NRXN1: variants seen among roughly 807,000 people sequenced by gnomAD.
NRXN1 encodes neurexin 1.
NRXN1 carries 39 observed loss-of-function variants against 150.9 expected under a neutral mutation model. The ratio of observed to expected loss-of-function variants is 0.26; its 90% confidence interval spans 0.20 to 0.34. The LOEUF (loss-of-function observed/expected upper bound fraction) is 0.34. Ranked by LOEUF, NRXN1 falls within the 10% of genes least tolerant of loss-of-function variation. The pLI is 1.00. For missense variants in NRXN1, 1,815 were observed against 1,949.9 expected (o/e 0.93, Z 1.30); for synonymous variants, 924 against 757.0 (o/e 1.22, Z -3.62).
chr2:50,502,895 T>C (rs2092022167), intron 13 of NRXN1, among the ~76,000 whole-genome samples: 2 of 152,106 alleles, frequency 1.3e-5, no homozygotes, highest in African/African-American at 2.4e-5. Context: ...AGCACTGAGG[T>C]CACCTACCAC....
chr2:50,297,777 AGAG>A (rs2073757503), intron 17 of NRXN1, among the ~76,000 whole-genome samples: 1 of 152,184 alleles, frequency 6.6e-6, no homozygotes, highest in Non-Finnish European at 1.5e-5. Flanking sequence ...GCAGCTGAGT[AGAG>A]AAGAGAGATG....
At chr2:50,041,639 C>A (rs994090597) in intron 21 of NRXN1, among the ~76,000 whole-genome samples, 1 of 152,092 alleles carries the variant, frequency 6.6e-6, no homozygotes, top group Non-Finnish European at 1.5e-5. Context: ...CCACAGACAG[C>A]AAGGAAAAGG....
At chr2:49,989,033 T>C (rs556517114) in intron 21 of NRXN1, among the ~76,000 whole-genome samples, 1 of 152,284 alleles carries the variant, frequency 6.6e-6, no homozygotes, top group Non-Finnish European at 1.5e-5. Context: ...GATTATTCCA[T>C]TTGAGTTCTG....
intron 5 of NRXN1, among the ~76,000 whole-genome samples, chr2:50,883,355 T>C (rs1324462796): frequency 6.6e-6 from 1 of 151,814 alleles, no homozygotes; most frequent in Non-Finnish European, 1.5e-5. Flanking sequence ...TTGCTTTTGT[T>C]AATTGAAGTT....
chr2:50,277,316 C>G (rs1017181530), intron 17 of NRXN1, among the ~76,000 whole-genome samples: 1 of 149,470 alleles, frequency 6.7e-6, no homozygotes, highest in African/African-American at 2.5e-5. Flanking sequence ...TACTCTGCTG[C>G]TTGCTGGCTT....
chr2:50,606,119 A>G (rs1229798691), intron 8 of NRXN1, among the ~76,000 whole-genome samples: 1 of 151,936 alleles, frequency 6.6e-6, no homozygotes, highest in African/African-American at 2.4e-5. Flanking sequence ...GCATGGTGGC[A>G]TAGGCCTATA....
intron 17 of NRXN1, among the ~76,000 whole-genome samples, chr2:50,351,906 T>C (rs1398621473): frequency 6.6e-6 from 1 of 152,156 alleles, no homozygotes; most frequent in Non-Finnish European, 1.5e-5. Context: ...ACCAAGCTTC[T>C]AGAATAGGCT....
intron 17 of NRXN1, among the ~76,000 whole-genome samples, chr2:50,432,895 T>A (rs1451300250): frequency 6.6e-6 from 1 of 152,220 alleles, no homozygotes; most frequent in African/African-American, 2.4e-5. Flanking sequence ...GCTCCATTTT[T>A]GTTTATACAG....
intron 17 of NRXN1, among the ~76,000 whole-genome samples, chr2:50,436,740 G>C (rs1483430737): frequency 1.3e-5 from 2 of 152,096 alleles, no homozygotes; most frequent in African/African-American, 4.8e-5. Flanking sequence ...ATTTTGGCTA[G>C]AAGGGATTCT....
chr2:49,949,385 G>T (rs1441514233), intron 21 of NRXN1, among the ~76,000 whole-genome samples: 1 of 151,908 alleles, frequency 6.6e-6, no homozygotes, highest in African/African-American at 2.4e-5. Context: ...TATCTGTGTG[G>T]TAAAAATATA....
intron 2 of NRXN1, among the ~76,000 whole-genome samples, chr2:50,988,243 C>A (rs1026200787): frequency 2.0e-5 from 3 of 151,880 alleles, no homozygotes; most frequent in Non-Finnish European, 4.4e-5. Context: ...TGGCATAAAC[C>A]AGATCATTTT....
chr2:50,712,738 TG>T (rs1356437918), intron 5 of NRXN1, among the ~76,000 whole-genome samples: 2 of 152,164 alleles, frequency 1.3e-5, no homozygotes. Flanking sequence ...TCCCCTGCCC[TG>T]TGAGCTTGGC....
intron 5 of NRXN1, among the ~76,000 whole-genome samples, chr2:50,720,463 C>T (rs1172438110): frequency 6.6e-6 from 1 of 152,146 alleles, no homozygotes; most frequent in Non-Finnish European, 1.5e-5. Flanking sequence ...GGGGCGCCTC[C>T]CCAGCATTAG....
rs193108401 is a variant in NRXN1 at position 51,017,217 on chromosome 2, G to A, written c.772+10285C>T. Among the ~76,000 whole-genome samples the A allele has an allele frequency of 3.4e-3, 523 of 151,860 alleles. 2 individuals carry two copies. The highest frequency in any genetic ancestry group is 0.011 in the African/African-American group (471 of 41,402). The stretch of plus-strand genomic sequence containing the variant: ...GTGTATACCTATATAACAAACCTAC[G>A]TGCTCTGCCCGTGTATCCCGGAACT... On this transcript the variant is annotated intron_variant, in intron 2 of 22. Transcript: ENST00000401669.
At chr2:50,949,004 G>A (rs1236510781) in intron 2 of NRXN1, among the ~76,000 whole-genome samples, 1 of 151,974 alleles carries the variant, frequency 6.6e-6, no homozygotes, top group Non-Finnish European at 1.5e-5. Context: ...CAACCAGGGA[G>A]CAGAAAACTG....
chr2:50,237,115 T>A (rs2065524462), intron 17 of NRXN1, 145 bp from the exon 18 acceptor site: 1 of 864,496 alleles, frequency 1.2e-6, no homozygotes, highest in Non-Finnish European at 1.8e-6. Flanking sequence ...TCAAATGTGC[T>A]CAAGAAAGTG....
chr2:50,988,987 CT>C lies in NRXN1; in HGVS notation c.772+38514del, dbSNP rs556228416. ...ATTTATTTATTTTCTGCCTTTCCCACTTTTTCCCCCCATATTTTCCCCTATT... is the reference window on the plus strand; with the variant it reads ...ATTTATTTATTTTCTGCCTTTCCCACTTTTCCCCCCATATTTTCCCCTATT... On this transcript the variant is annotated intron_variant, in intron 2 of 22. Transcript: ENST00000401669. Among the ~76,000 whole-genome samples the C allele has an allele frequency of 2.6e-4, 39 of 151,986 alleles. No individual in the cohort carries two copies. The East Asian group carries it at 6.8e-3, about 26-fold the overall frequency.
At chr2:50,526,072 A>G (rs2092943167) in intron 12 of NRXN1, among the ~76,000 whole-genome samples, 2 of 152,188 alleles carry the variant, frequency 1.3e-5, no homozygotes, top group African/African-American at 2.4e-5. Flanking sequence ...GACACTATGT[A>G]TATTTTCCAT....
chr2:50,089,786 CAAA>C (rs5831081), intron 19 of NRXN1, among the ~76,000 whole-genome samples: 3 of 127,266 alleles, frequency 2.4e-5, no homozygotes, highest in Admixed American at 7.6e-5. Context: ...GACCTTGCTT[CAAA>C]AAAAAAAAAA....
Sources: gnomAD v4.1 joint callset for allele counts (sites outside exome capture counted in the v4.1 genomes callset) on GRCh38, gnomAD v4.1.1 for gene constraint, MANE v1.5 for transcripts, NCBI Gene and HGNC (gene_info 2026-07-23, HGNC 2026-07-21) for gene names.